Variants in SLC5A12 observed in about 807,000 individuals in gnomAD.
SLC5A12 encodes sodium-coupled monocarboxylate transporter 2.
Under a neutral mutation model 72.7 loss-of-function variants are expected in SLC5A12, and 46 were observed. That is an observed-to-expected ratio of 0.63 (90% CI 0.50 to 0.81). The LOEUF is 0.81. Ranked by LOEUF, SLC5A12 falls within the 30% of genes least tolerant of loss-of-function variation. The pLI, the probability that SLC5A12 is intolerant of heterozygous loss-of-function variation, is 0.00. For synonymous variants in SLC5A12, 275 were observed against 264.4 expected (o/e 1.04, Z -0.39); for missense variants, 683 against 740.7 (o/e 0.92, Z 0.90).
chr11:26,672,192 T>C (rs892920859), intron 14 of SLC5A12, among the ~76,000 whole-genome samples: 1 of 152,148 alleles, frequency 6.6e-6, no homozygotes, highest in Non-Finnish European at 1.5e-5. Flanking sequence ...GTGGTGCTCT[T>C]GCCTCCTGCC....
intron 7 of SLC5A12, 22 bp downstream of exon 7, chr11:26,698,384 C>T (rs1320580481): frequency 1.2e-6 from 2 of 1,611,268 alleles, no homozygotes; most frequent in Non-Finnish European, 1.7e-6. Context: ...ACACTCGCCA[C>T]TGTCCTCAAG....
chr11:26,710,831 T>C (rs1202874349), intron 3 of SLC5A12, among the ~76,000 whole-genome samples: 1 of 152,028 alleles, frequency 6.6e-6, no homozygotes, highest in Non-Finnish European at 1.5e-5. Flanking sequence ...GCAGGTGTCA[T>C]TGTGAAGTTT....
At chr11:26,699,687 T>C (rs1336000080) in intron 6 of SLC5A12, among the ~76,000 whole-genome samples, 1 of 152,202 alleles carries the variant, frequency 6.6e-6, no homozygotes, top group Non-Finnish European at 1.5e-5. Context: ...TCAGGCCAAC[T>C]CTATTCAAGC....
intron 6 of SLC5A12, among the ~76,000 whole-genome samples, chr11:26,701,899 A>G (rs1402492944): frequency 6.6e-6 from 1 of 152,206 alleles, no homozygotes; most frequent in Non-Finnish European, 1.5e-5. Context: ...GTAAGCACAA[A>G]GCATTGTTCT....
At chr11:26,700,472 A>G (rs756721331) in intron 6 of SLC5A12, among the ~76,000 whole-genome samples, 3 of 151,490 alleles carry the variant, frequency 2.0e-5, no homozygotes, top group Admixed American at 6.6e-5. Flanking sequence ...CATGGAGATT[A>G]CATTTTGGGA....
rs946911426 is a variant in SLC5A12 at position 26,721,432 on chromosome 11, T to A, written c.283A>T (p.Thr95Ser). 6.2e-7 allele frequency: 1 copy of A among 1,613,916 alleles called. No individual in the cohort carries two copies. The highest frequency in any genetic ancestry group is 1.3e-5 in the African/African-American group (1 of 74,884). ...FIAYLFVILLTSELFLPVFYR... is the reference protein window; with the variant it reads ...FIAYLFVILLSSELFLPVFYR... Reference sequence around the variant, plus strand: ...AACACAGGGAGAAAGAGCTCTGATGTTAAGAGGATGACAAATAGGTAAGCA... The same window carrying A: ...AACACAGGGAGAAAGAGCTCTGATGATAAGAGGATGACAAATAGGTAAGCA... Residue 95 changes from threonine (T) to serine (S), a missense_variant, in exon 1 of 15, where the codon ACA (threonine) becomes TCA (serine). By Grantham distance (58) the Thr-to-Ser change is moderately conservative. Transcript: ENST00000396005.
intron 11 of SLC5A12, among the ~76,000 whole-genome samples, chr11:26,683,017 T>C (rs1218744382): frequency 6.6e-6 from 1 of 152,122 alleles, no homozygotes; most frequent in Non-Finnish European, 1.5e-5. Context: ...GAATATCCTA[T>C]AGTATATACA....
At chr11:26,697,892 CTTTTT>C (rs34284911) in intron 7 of SLC5A12, among the ~76,000 whole-genome samples, 1 of 93,970 alleles carries the variant, frequency 1.1e-5, no homozygotes, top group Admixed American at 1.4e-4. Flanking sequence ...GAGATGCCGT[CTTTTT>C]TTTTTTTTTT....
intron 12 of SLC5A12, among the ~76,000 whole-genome samples, chr11:26,679,088 T>C (rs1854331573): frequency 6.6e-6 from 1 of 152,176 alleles, no homozygotes; most frequent in Non-Finnish European, 1.5e-5. Context: ...TCATTTGTAT[T>C]ATTTATTCTT....
chr11:26,709,562 A>G (rs1331065122), intron 3 of SLC5A12, among the ~76,000 whole-genome samples, 183 bp from the exon 4 acceptor site: 1 of 152,118 alleles, frequency 6.6e-6, no homozygotes, highest in Non-Finnish European at 1.5e-5. Flanking sequence ...TTATATTTTT[A>G]TACTTCTATC....
In SLC5A12 at chr11:26,670,363, T is replaced by A. The variant is rs1023758564; in HGVS notation, c.*739A>T. 2.0e-5 allele frequency: 3 copies of A among 152,096 alleles called. No individual in the cohort carries two copies. Among genetic ancestry groups the A allele is most frequent in the African/African-American group, 7.2e-5 (3 of 41,420 alleles). 9.4% of individuals were successfully genotyped at this position (152,096 alleles called of 1,614,324 possible). A position where few individuals can be genotyped will look rare whatever the true frequency, so the allele number is the denominator to read the frequency against. ...TATTGAGCTCTGAGGCAATTTTTCA[T>A]TGTAAAGTGATAGAAAGGAAGAAGA... On this transcript the variant is annotated 3_prime_UTR_variant, in exon 15 of 15. Coordinates refer to ENST00000396005, the MANE Select transcript of SLC5A12 (RefSeq NM_178498.4).
chr11:26,685,733 G>A (rs1377316519), intron 10 of SLC5A12, among the ~76,000 whole-genome samples: 1 of 152,162 alleles, frequency 6.6e-6, no homozygotes, highest in Non-Finnish European at 1.5e-5. Flanking sequence ...ATGAAGAATG[G>A]GGATGGGTGG....
chr11:26,693,545 G>C (rs1854734758), intron 8 of SLC5A12, among the ~76,000 whole-genome samples: 1 of 152,116 alleles, frequency 6.6e-6, no homozygotes, highest in South Asian at 2.1e-4. Context: ...AGAATAAAAT[G>C]AGACCTTCTT....
chr11:26,711,446 T>G, intron 2 of SLC5A12, 88 bp from the exon 3 acceptor site: 1 of 969,042 alleles, frequency 1.0e-6, no homozygotes, highest in Non-Finnish European at 1.6e-6. Flanking sequence ...ACGTTAGACT[T>G]GTATTCTCTT....
chr11:26,673,505 T>C lies in SLC5A12; in HGVS notation c.1604A>G (p.Gln535Arg), dbSNP rs758899336. 1 of 1,610,286 alleles carries C rather than the reference T, an allele frequency of 6.2e-7. No homozygotes were observed. The highest frequency in any genetic ancestry group is 1.1e-5 in the South Asian group (1 of 90,254). Residue 535 changes from glutamine to arginine, a missense_variant, in exon 14 of 15, where the codon CAA becomes CGA. Transcript: ENST00000396005. ...ACAAACTGGTCTAATTAACAGTGGT[T>C]GAATATCCTCACCTCTTTGGCGACC... ...ITGRQRGEDI[Q>R]PLLIRPVCNL...
intron 1 of SLC5A12, among the ~76,000 whole-genome samples, chr11:26,719,146 A>G (rs1184469114): frequency 1.3e-5 from 2 of 152,198 alleles, no homozygotes; most frequent in African/African-American, 4.8e-5. Context: ...GAATAGACAG[A>G]TTGTTCAAAG....
At chr11:26,691,862 G>A (rs1319112434) in intron 9 of SLC5A12, 1 of 152,214 alleles carries the variant, frequency 6.6e-6, no homozygotes, top group Non-Finnish European at 1.5e-5. Flanking sequence ...CTTTGAGGGG[G>A]TTACTGGGAG....
intron 9 of SLC5A12, among the ~76,000 whole-genome samples, chr11:26,687,686 T>C (rs137900684): frequency 3.3e-5 from 5 of 152,344 alleles, no homozygotes; most frequent in African/African-American, 4.8e-5. Flanking sequence ...ATATTCCTTA[T>C]GAGGAACCCA....
intron 6 of SLC5A12, among the ~76,000 whole-genome samples, chr11:26,701,797 C>A (rs1168312377): frequency 6.6e-6 from 1 of 152,046 alleles, no homozygotes; most frequent in Non-Finnish European, 1.5e-5. Flanking sequence ...TATATATGCC[C>A]ATCCATACTT....
Sources: gnomAD v4.1 joint callset for allele counts (sites outside exome capture counted in the v4.1 genomes callset) on GRCh38, gnomAD v4.1.1 for gene constraint, MANE v1.5 for transcripts, NCBI Gene and HGNC (gene_info 2026-07-23, HGNC 2026-07-21) for gene names.